PLCB1: variants seen among roughly 807,000 people sequenced by gnomAD.
PLCB1 encodes 1-phosphatidylinositol 4,5-bisphosphate phosphodiesterase beta-1.
PLCB1 carries 46 observed loss-of-function variants against 161.8 expected under a neutral mutation model. The observed-to-expected ratio is 0.28, with a 90% CI of 0.22 to 0.36. The LOEUF (loss-of-function observed/expected upper bound fraction) is 0.36. Ranked by LOEUF, PLCB1 falls within the 10% of genes least tolerant of loss-of-function variation. The pLI is 1.00. For synonymous variants in PLCB1, 517 were observed against 503.7 expected (o/e 1.03, Z -0.35); for missense variants, 1,016 against 1,472.5 (o/e 0.69, Z 5.07).
At chr20:8,164,629 A>G (rs1458319990) in intron 2 of PLCB1, among the ~76,000 whole-genome samples, 1 of 152,156 alleles carries the variant, frequency 6.6e-6, no homozygotes, top group African/African-American at 2.4e-5. Flanking sequence ...AGCTTCCTTG[A>G]ACTTGTGGGG....
intron 31 of PLCB1, among the ~76,000 whole-genome samples, chr20:8,826,997 C>T (rs1363462689): frequency 6.6e-6 from 1 of 152,158 alleles, no homozygotes; most frequent in Non-Finnish European, 1.5e-5. Context: ...TTGCGTATTT[C>T]AGATGACATC....
At chr20:8,620,747 C>CAAAAAAAAAAAAAAAA (rs779029928) in intron 3 of PLCB1, among the ~76,000 whole-genome samples, 17 of 75,198 alleles carry the variant, frequency 2.3e-4, no homozygotes, top group East Asian at 6.2e-4. Flanking sequence ...CTGCCCCCAC[C>CAAAAAAAAAAAAAAAA]AAAAAAAAAA....
rs10536329 is a variant in PLCB1 at position 8,492,848 on chromosome 20, A to ATGTG, written c.246+121421_246+121424dup. The stretch of plus-strand genomic sequence containing the variant: ...AAAGCAAACTTTATTATATATATAT[A>ATGTG]TGTGTGTGTGTGTGTGTGTGTGTGT... On this transcript the variant is annotated intron_variant, in intron 3 of 31. Coordinates refer to ENST00000338037, the MANE Select transcript of PLCB1 (RefSeq NM_015192.4). Among the ~76,000 whole-genome samples the ATGTG allele has an allele frequency of 2.2e-3, 318 of 145,150 alleles. 4 individuals carry two copies. The highest frequency in any genetic ancestry group is 4.7e-3 in the South Asian group (21 of 4,480).
intron 3 of PLCB1, among the ~76,000 whole-genome samples, chr20:8,450,326 T>C (rs1206086947): frequency 6.6e-6 from 1 of 152,204 alleles, no homozygotes; most frequent in African/African-American, 2.4e-5. Context: ...AACAACTACA[T>C]TGATATAGGG....
At chr20:8,746,138 G>A (rs1208568099) in intron 23 of PLCB1, among the ~76,000 whole-genome samples, 2 of 152,126 alleles carry the variant, frequency 1.3e-5, no homozygotes, top group African/African-American at 2.4e-5. Flanking sequence ...CACCATGTTG[G>A]CTAGGCTCTT....
At chr20:8,158,808 C>T (rs2051590405) in intron 2 of PLCB1, among the ~76,000 whole-genome samples, 1 of 152,190 alleles carries the variant, frequency 6.6e-6, no homozygotes, top group Non-Finnish European at 1.5e-5. Context: ...TCTTAAAGCT[C>T]CAAAATGATC....
chr20:8,317,025 G>A (rs1399168286), intron 2 of PLCB1, among the ~76,000 whole-genome samples: 1 of 147,588 alleles, frequency 6.8e-6, no homozygotes, highest in African/African-American at 2.5e-5. Flanking sequence ...TTCACCAGTG[G>A]ATTTCAAACA....
chr20:8,318,473 A>G lies in PLCB1; in HGVS notation c.178-52909A>G, dbSNP rs372845817. ...CCCCCCCCCTTTTTCTTTGGTAGTC[A>G]TCCAGCTTGTTTCTCTGTTGTACAA... is the stretch of plus-strand genomic sequence containing the variant. On this transcript the variant is annotated intron_variant, in intron 2 of 31. Transcript: ENST00000338037. 2.7e-4 allele frequency among the ~76,000 whole-genome samples: 40 copies of G among 146,462 alleles called. No individual in the cohort carries two copies. The East Asian group carries it at 6.5e-3, about 24-fold the overall frequency.
chr20:8,199,969 A>G (rs1239704500), intron 2 of PLCB1, among the ~76,000 whole-genome samples: 1 of 152,142 alleles, frequency 6.6e-6, no homozygotes, highest in Admixed American at 6.6e-5. Context: ...TTTACATAGG[A>G]CCAAGTGGAG....
At chr20:8,235,284 A>T (rs2123192371) in intron 2 of PLCB1, among the ~76,000 whole-genome samples, 1 of 152,286 alleles carries the variant, frequency 6.6e-6, no homozygotes, top group Middle Eastern at 3.4e-3. Flanking sequence ...TTGCAGAATT[A>T]TTCTACTGGT....
intron 2 of PLCB1, among the ~76,000 whole-genome samples, chr20:8,167,653 GAAA>G (rs2051689313): frequency 1.3e-5 from 2 of 152,112 alleles, no homozygotes; most frequent in Non-Finnish European, 2.9e-5. Context: ...CTTTACAAAA[GAAA>G]AAGCAGTATT....
chr20:8,499,793 T>C (rs1411044156), intron 3 of PLCB1, among the ~76,000 whole-genome samples: 3 of 152,232 alleles, frequency 2.0e-5, no homozygotes, highest in Non-Finnish European at 2.9e-5. Flanking sequence ...TTTTCTCTCA[T>C]TTTATTTTTC....
At chr20:8,381,521 C>T (rs1235883277) in intron 3 of PLCB1, among the ~76,000 whole-genome samples, 2 of 152,128 alleles carry the variant, frequency 1.3e-5, no homozygotes, top group Admixed American at 1.3e-4. Flanking sequence ...AGGAATGGTA[C>T]CAGCTCCTCT....
intron 26 of PLCB1, 83 bp from the exon 27 acceptor site, chr20:8,774,456 C>A (rs779313803): frequency 9.7e-6 from 13 of 1,336,768 alleles, no homozygotes; most frequent in Non-Finnish European, 1.3e-5. Flanking sequence ...AGAACTTTCT[C>A]TAGGAGGAAT....
At chr20:8,464,174 T>C (rs1981709876) in intron 3 of PLCB1, among the ~76,000 whole-genome samples, 1 of 152,210 alleles carries the variant, frequency 6.6e-6, no homozygotes, top group Middle Eastern at 3.2e-3. Flanking sequence ...GCAATTGTTA[T>C]TCCTCTGAAG....
At position 8,177,722 on chromosome 20, in the gene PLCB1, G is replaced by T. The variant is rs1329440211; in HGVS notation, c.177+27351G>T. Among the ~76,000 whole-genome samples the T allele has an allele frequency of 3.3e-5, 5 of 152,056 alleles. No individual in the cohort carries two copies. The East Asian group carries it at 9.6e-4, about 29-fold the overall frequency. ...CTTTTATTTATTTTCAGGGGTATAT[G>T]TGCAAGTTGGTTCTATAGAAAAATT... On this transcript the variant is annotated intron_variant, in intron 2 of 31. Coordinates refer to ENST00000338037, the MANE Select transcript of PLCB1 (RefSeq NM_015192.4).
At chr20:8,196,006 G>A (rs2123116387) in intron 2 of PLCB1, among the ~76,000 whole-genome samples, 1 of 152,208 alleles carries the variant, frequency 6.6e-6, no homozygotes, top group East Asian at 1.9e-4. Context: ...GGTGGCAGGA[G>A]CGAGAATGAG....
intron 2 of PLCB1, among the ~76,000 whole-genome samples, chr20:8,188,776 C>G (rs2051934102): frequency 6.6e-6 from 1 of 151,984 alleles, no homozygotes; most frequent in Non-Finnish European, 1.5e-5. Flanking sequence ...ATAAAATGTG[C>G]TAAAGAGTCA....
At chr20:8,327,378 T>C (rs1985200320) in intron 2 of PLCB1, among the ~76,000 whole-genome samples, 1 of 152,210 alleles carries the variant, frequency 6.6e-6, no homozygotes, top group Non-Finnish European at 1.5e-5. Flanking sequence ...GGAGGAAATT[T>C]TTCCCTTGAA....
Sources: gnomAD v4.1 joint callset for allele counts (sites outside exome capture counted in the v4.1 genomes callset) on GRCh38, gnomAD v4.1.1 for gene constraint, MANE v1.5 for transcripts, NCBI Gene and HGNC (gene_info 2026-07-23, HGNC 2026-07-21) for gene names.